PARD3B: variants seen among roughly 807,000 people sequenced by gnomAD.
PARD3B encodes the protein par-3 family cell polarity regulator beta.
PARD3B carries 103 observed loss-of-function variants against 130.2 expected under a neutral mutation model. The observed-to-expected ratio is 0.79, with a 90% confidence interval of 0.67 to 0.93. PARD3B has a LOEUF of 0.93. Ranked by LOEUF, PARD3B falls within the 40% of genes least tolerant of loss-of-function variation. The probability of loss-of-function intolerance (pLI) is 0.00; values close to 1 mark genes in which losing one functional copy is unlikely to be tolerated. For missense variants in PARD3B, 1,609 were observed against 1,499.2 expected (o/e 1.07, Z -1.21); for synonymous variants, 583 against 553.2 (o/e 1.05, Z -0.76).
intron 2 of PARD3B, among the ~76,000 whole-genome samples, chr2:204,828,117 G>C (rs1198030051): frequency 6.6e-6 from 1 of 152,186 alleles, no homozygotes; most frequent in Non-Finnish European, 1.5e-5. Flanking sequence ...GCACTCATTT[G>C]TTGAATAGGT....
At chr2:204,918,545 G>C (rs2047537087) in intron 2 of PARD3B, among the ~76,000 whole-genome samples, 1 of 150,564 alleles carries the variant, frequency 6.6e-6, no homozygotes, top group Admixed American at 6.6e-5. Context: ...CAGGAGAATG[G>C]CGTGAACCCG....
intron 2 of PARD3B, among the ~76,000 whole-genome samples, chr2:204,841,616 A>G (rs556311023): frequency 9.9e-5 from 15 of 152,106 alleles, no homozygotes; most frequent in Non-Finnish European, 1.2e-4. Context: ...ACAGATTTTC[A>G]TAAGATCACT....
At chr2:205,523,558 AAAT>A (rs1038716319) in intron 21 of PARD3B, among the ~76,000 whole-genome samples, 6 of 151,900 alleles carry the variant, frequency 3.9e-5, no homozygotes, top group African/African-American at 1.5e-4. Flanking sequence ...CATCAAAAAT[AAAT>A]AATCTTTTGA....
At chr2:204,761,083 A>G (rs1487879899) in intron 2 of PARD3B, among the ~76,000 whole-genome samples, 1 of 152,204 alleles carries the variant, frequency 6.6e-6, no homozygotes, top group Non-Finnish European at 1.5e-5. Flanking sequence ...TAAAACTCCA[A>G]CAGATTAAGT....
Position 205,525,848 on chromosome 2 carries a change from G to A in PARD3B, c.3180+25817G>A, listed in dbSNP as rs1575255330. 1.3e-5 allele frequency among the ~76,000 whole-genome samples: 2 copies of A among 152,264 alleles called. No homozygotes were observed. The highest frequency in any genetic ancestry group is 1.3e-4 in the Admixed American group (2 of 15,300). ...ATATGATTACTTGGATTCTGCCTAT[G>A]GGTCCACGTTGTGTACCCAGTCCCG... On this transcript the variant is annotated intron_variant, in intron 21 of 22. Coordinates refer to ENST00000406610, the MANE Select transcript of PARD3B (RefSeq NM_001302769.2). This position sits in a 1 kb window ranked among gnomAD's most constrained non-coding sequence, Gnocchi z 4.2.
chr2:204,902,976 A>G (rs563124595), intron 2 of PARD3B, among the ~76,000 whole-genome samples: 1 of 152,326 alleles, frequency 6.6e-6, no homozygotes, highest in African/African-American at 2.4e-5. Flanking sequence ...ATGCCAAGAT[A>G]TCCTGTGGCT....
intron 21 of PARD3B, among the ~76,000 whole-genome samples, chr2:205,516,473 T>G (rs2050796736): frequency 6.6e-6 from 1 of 152,164 alleles, no homozygotes; most frequent in South Asian, 2.1e-4. Flanking sequence ...ATTCTCATTG[T>G]AGAGATCTTT....
chr2:205,614,889 C>T (rs1027813250), intron 22 of PARD3B, among the ~76,000 whole-genome samples: 3 of 152,008 alleles, frequency 2.0e-5, no homozygotes, highest in East Asian at 1.9e-4. Flanking sequence ...TTTAGAAAAG[C>T]GAGTGCAGTC....
At chr2:204,999,283 A>G (rs1181067532) in intron 3 of PARD3B, among the ~76,000 whole-genome samples, 1 of 152,172 alleles carries the variant, frequency 6.6e-6, no homozygotes, top group African/African-American at 2.4e-5. Context: ...AAGGAAAGAA[A>G]GGAGATGGAA....
rs917139195 is a variant in PARD3B at position 205,203,183 on chromosome 2, C to T, written c.2140+9863C>T. Among the ~76,000 whole-genome samples, 14 of 152,244 alleles carry T rather than the reference C, an allele frequency of 9.2e-5. No individual in the cohort carries two copies. The East Asian group carries it at 1.4e-3, about 15-fold the overall frequency. On this transcript the variant is annotated intron_variant, in intron 15 of 22. Transcript: ENST00000406610. ...TGATATTCTGCCAGTAACAAACCCA[C>T]GCAGATTTTTACTAAATTGACCTCT...
intron 1 of PARD3B, among the ~76,000 whole-genome samples, chr2:204,637,867 A>T (rs563637028): frequency 6.6e-6 from 1 of 152,192 alleles, no homozygotes; most frequent in African/African-American, 2.4e-5. Flanking sequence ...TGCACAGTGT[A>T]CTGCAGTGGG....
chr2:204,935,501 T>C (rs902771752), intron 2 of PARD3B, among the ~76,000 whole-genome samples: 2 of 151,758 alleles, frequency 1.3e-5, no homozygotes, highest in Admixed American at 1.3e-4. Flanking sequence ...ATGGCGCCAC[T>C]GTACTCCAGC....
In PARD3B at chr2:205,124,482, A is replaced by G. The variant is rs1459496180; in HGVS notation, c.1305+16A>G. On this transcript the variant is annotated intron_variant, in intron 9 of 22. Transcript: ENST00000406610. Reference sequence around the variant, plus strand: ...AATTTTGGAGGTAAGAATTGGAATTAATAGTTGTATGAAAATATTTCTTGG... The same window carrying G: ...AATTTTGGAGGTAAGAATTGGAATTGATAGTTGTATGAAAATATTTCTTGG... 6 of 1,546,280 alleles carry G rather than the reference A, an allele frequency of 3.9e-6. No homozygotes were observed. Among genetic ancestry groups the G allele is most frequent in the Non-Finnish European group, 5.2e-6 (6 of 1,145,174 alleles).
intron 22 of PARD3B, among the ~76,000 whole-genome samples, chr2:205,560,011 C>A (rs775381360): frequency 6.6e-6 from 1 of 152,228 alleles, no homozygotes; most frequent in Non-Finnish European, 1.5e-5. Flanking sequence ...GACTCAGCAG[C>A]AACCTGATAA....
chr2:204,910,628 G>GT (rs946941015), intron 2 of PARD3B, among the ~76,000 whole-genome samples: 17 of 151,820 alleles, frequency 1.1e-4, no homozygotes, highest in Middle Eastern at 3.4e-3. Context: ...TAAGATTACT[G>GT]TTTTTTTTGT....
intron 2 of PARD3B, among the ~76,000 whole-genome samples, chr2:204,886,295 T>A (rs1418324220): frequency 6.6e-6 from 1 of 152,194 alleles, no homozygotes; most frequent in African/African-American, 2.4e-5. Context: ...GTTTCCAGTC[T>A]ATTTTTATGA....
intron 4 of PARD3B, among the ~76,000 whole-genome samples, chr2:205,084,150 C>T (rs1401103456): frequency 1.3e-5 from 2 of 152,050 alleles, no homozygotes; most frequent in Non-Finnish European, 1.5e-5. Context: ...TGCACCTACA[C>T]GTTGCTTCTG....
rs1441514074 is a variant in PARD3B at position 205,291,484 on chromosome 2, TTGCTGAAGTG to T, written c.2186-9043_2186-9034del. 6.6e-6 allele frequency among the ~76,000 whole-genome samples: 1 copy of T among 152,210 alleles called. No individual in the cohort carries two copies. Among genetic ancestry groups the T allele is most frequent in the African/African-American group, 2.4e-5 (1 of 41,464 alleles). ...CCTCGATATAAAGTAGCAAAGAACTTTGCTGAAGTGTGTTGTTCTGGTGTATTATGGAAGG... is the reference window on the plus strand; with the variant it reads ...CCTCGATATAAAGTAGCAAAGAACTTTGTTGTTCTGGTGTATTATGGAAGG... On this transcript the variant is annotated intron_variant, in intron 16 of 22. Transcript: ENST00000406610. This position sits in a 1 kb window ranked among gnomAD's most constrained non-coding sequence, Gnocchi z 4.6.
Position 204,967,795 on chromosome 2 carries a change from T to C in PARD3B, c.394+2472T>C, listed in dbSNP as rs1415789640. On this transcript the variant is annotated intron_variant, in intron 3 of 22. Coordinates refer to ENST00000406610, the MANE Select transcript of PARD3B (RefSeq NM_001302769.2). This position sits in a 1 kb window ranked among gnomAD's most constrained non-coding sequence, Gnocchi z 4.4. ...CGGGGCAGGATGTGGCCATAGGCTG[T>C]GCACCTCCAGATGGAGAGATGTGGT... Among the ~76,000 whole-genome samples the C allele has an allele frequency of 2.0e-5, 3 of 152,206 alleles. No individual in the cohort carries two copies. Among genetic ancestry groups the C allele is most frequent in the Admixed American group, 6.5e-5 (1 of 15,282 alleles).
Sources: allele counts gnomAD v4.1 joint callset (sites outside exome capture counted in the v4.1 genomes callset), GRCh38; gene constraint gnomAD v4.1.1; non-coding constraint Gnocchi (gnomAD v3.1); transcripts MANE v1.5; gene names NCBI Gene and HGNC (gene_info 2026-07-23, HGNC 2026-07-21).